The following EXOC6B variants were observed in gnomAD, a reference collection of about 807,000 sequenced individuals.
EXOC6B encodes the protein SEC15 homolog B.
Under a neutral mutation model 113.5 loss-of-function variants are expected in EXOC6B, and 54 were observed. The ratio of observed to expected loss-of-function variants is 0.48; its 90% confidence interval spans 0.38 to 0.60. The LOEUF (loss-of-function observed/expected upper bound fraction) is 0.60, where lower values mean the gene tolerates loss of function less well. Among genes scored for constraint, EXOC6B ranks in the 20% least tolerant of loss-of-function variants. EXOC6B has a pLI of 0.00. For missense variants in EXOC6B, 797 were observed against 977.5 expected (o/e 0.82, Z 2.46); for synonymous variants, 357 against 339.0 (o/e 1.05, Z -0.58).
At chr2:72,374,956 A>G (rs950195924) in intron 19 of EXOC6B, among the ~76,000 whole-genome samples, 1 of 151,974 alleles carries the variant, frequency 6.6e-6, no homozygotes, top group Non-Finnish European at 1.5e-5. Flanking sequence ...TAAAAAATTA[A>G]AAGAGAAAGA....
At chr2:72,814,660 T>G (rs779019084) in intron 1 of EXOC6B, among the ~76,000 whole-genome samples, 23 of 152,246 alleles carry the variant, frequency 1.5e-4, no homozygotes, top group Non-Finnish European at 2.9e-4. Context: ...ATCAAATCAT[T>G]GTCCTCTTGG....
chr2:72,683,503 G>C (rs903522116), intron 6 of EXOC6B, among the ~76,000 whole-genome samples: 1 of 152,060 alleles, frequency 6.6e-6, no homozygotes, highest in Non-Finnish European at 1.5e-5. Flanking sequence ...AGACATGACT[G>C]CATAGATAAA....
chr2:72,224,795 AATCTG>A, intron 20 of EXOC6B, among the ~76,000 whole-genome samples: 1 of 118,860 alleles, frequency 8.4e-6, no homozygotes, highest in South Asian at 2.5e-4. Flanking sequence ...ACGTCCAGCT[AATCTG>A]TGTGTGTGTG....
chr2:72,241,277 G>A (rs1682295495), intron 20 of EXOC6B, among the ~76,000 whole-genome samples: 1 of 152,136 alleles, frequency 6.6e-6, no homozygotes, highest in South Asian at 2.1e-4. Flanking sequence ...TATGGCTAAG[G>A]AAAGAATCTG....
intron 8 of EXOC6B, among the ~76,000 whole-genome samples, chr2:72,529,188 C>A (rs1250983564): frequency 6.6e-6 from 1 of 152,102 alleles, no homozygotes; most frequent in African/African-American, 2.4e-5. Flanking sequence ...GGGGTTTTGG[C>A]ATGTTTTTTA....
chr2:72,546,463 G>C (rs759614779), intron 8 of EXOC6B, among the ~76,000 whole-genome samples: 1 of 152,108 alleles, frequency 6.6e-6, no homozygotes. Context: ...GAGAGAGAGA[G>C]AGATTATGAG....
At chr2:72,582,856 T>C (rs904513473) in intron 6 of EXOC6B, among the ~76,000 whole-genome samples, 1 of 152,098 alleles carries the variant, frequency 6.6e-6, no homozygotes, top group East Asian at 1.9e-4. Flanking sequence ...GGTCCCCCAA[T>C]TGGCCAGGCT....
intron 20 of EXOC6B, among the ~76,000 whole-genome samples, chr2:72,225,717 A>G (rs1355408716): frequency 6.6e-6 from 1 of 152,136 alleles, no homozygotes; most frequent in East Asian, 1.9e-4. Context: ...TGGCATACTA[A>G]AGTAAAATAC....
chr2:72,188,180 C>T (rs528220980), intron 20 of EXOC6B, among the ~76,000 whole-genome samples: 237 of 152,268 alleles, frequency 1.6e-3, no homozygotes, highest in African/African-American at 5.5e-3. Flanking sequence ...CCCACCAGCT[C>T]CATGGAGTCT....
chr2:72,265,592 T>C (rs1416646087), intron 20 of EXOC6B, among the ~76,000 whole-genome samples: 1 of 151,972 alleles, frequency 6.6e-6, no homozygotes, highest in African/African-American at 2.4e-5. Context: ...CTCATCATTT[T>C]TTATGGCTGC....
chr2:72,805,502 A>G (rs1685531490), intron 1 of EXOC6B, among the ~76,000 whole-genome samples: 1 of 152,184 alleles, frequency 6.6e-6, no homozygotes, highest in African/African-American at 2.4e-5. Flanking sequence ...AGTATTTGTC[A>G]AGGCATAATC....
intron 6 of EXOC6B, among the ~76,000 whole-genome samples, chr2:72,611,175 C>T (rs533264659): frequency 6.6e-6 from 1 of 151,974 alleles, no homozygotes; most frequent in African/African-American, 2.4e-5. Context: ...CCAGCCTGGC[C>T]AAATAGCAAA....
chr2:72,634,046 C>T (rs896927580), intron 6 of EXOC6B, among the ~76,000 whole-genome samples: 12 of 151,804 alleles, frequency 7.9e-5, no homozygotes, highest in Middle Eastern at 3.4e-3. Context: ...AAAAAAAGAG[C>T]ATGCGTGAAG....
intron 5 of EXOC6B, among the ~76,000 whole-genome samples, chr2:72,725,449 T>C (rs959521878): frequency 6.6e-6 from 1 of 152,010 alleles, no homozygotes; most frequent in Non-Finnish European, 1.5e-5. Context: ...TGGAGTGCAG[T>C]GCGCCATCTC....
intron 7 of EXOC6B, among the ~76,000 whole-genome samples, chr2:72,561,147 T>C (rs1037643469): frequency 9.9e-5 from 15 of 152,052 alleles, no homozygotes; most frequent in Admixed American, 9.8e-4. Context: ...GTCTATTTTA[T>C]CTTGCCAAAA....
In EXOC6B at chr2:72,750,737, T is replaced by A. The variant is rs145595802; in HGVS notation, c.114-9268A>T. ...TCAATCTTCTGTGGTCTGAGAAATC[T>A]CAACTGACAATTTATTTTTAAAGTA... is the stretch of plus-strand genomic sequence containing the variant. On this transcript the variant is annotated intron_variant, in intron 1 of 21. Transcript: ENST00000272427. 4.7e-3 allele frequency among the ~76,000 whole-genome samples: 721 copies of A among 152,176 alleles called. 2 individuals carry two copies. The highest frequency in any genetic ancestry group is 0.016 in the African/African-American group (685 of 41,552).
At chr2:72,498,002 G>C (rs1218357171) in intron 13 of EXOC6B, among the ~76,000 whole-genome samples, 1 of 152,198 alleles carries the variant, frequency 6.6e-6, no homozygotes, top group African/African-American at 2.4e-5. Context: ...GAGGGAAGAT[G>C]ATGAGGAACA....
intron 1 of EXOC6B, among the ~76,000 whole-genome samples, chr2:72,773,120 CTT>C (rs1254377634): frequency 6.3e-5 from 6 of 94,892 alleles, no homozygotes; most frequent in African/African-American, 2.3e-4. Flanking sequence ...CTTAGATTTT[CTT>C]TTTTTTTTTT....
In EXOC6B at chr2:72,194,882, C is replaced by T. The variant is rs1446747975; in HGVS notation, c.2197-10695G>A. 3.3e-5 allele frequency among the ~76,000 whole-genome samples: 5 copies of T among 152,184 alleles called. No individual in the cohort carries two copies. The South Asian group carries it at 6.2e-4, about 19-fold the overall frequency. On this transcript the variant is annotated intron_variant, in intron 20 of 21. Transcript: ENST00000272427. Reference sequence around the variant, plus strand: ...AGTAACAGGTTGGTTCCTGGCCCTACGTCTGAACTCCTCTTCTTTTCCCTA... The same window carrying T: ...AGTAACAGGTTGGTTCCTGGCCCTATGTCTGAACTCCTCTTCTTTTCCCTA...
Sources: gnomAD v4.1 joint callset for allele counts (sites outside exome capture counted in the v4.1 genomes callset) on GRCh38, gnomAD v4.1.1 for gene constraint, MANE v1.5 for transcripts, NCBI Gene and HGNC (gene_info 2026-07-23, HGNC 2026-07-21) for gene names.